The following AGBL4 variants were observed in gnomAD, a reference collection of about 807,000 sequenced individuals.
The protein encoded by AGBL4 is AGBL carboxypeptidase 4.
Under a neutral mutation model 66.4 loss-of-function variants are expected in AGBL4, and 58 were observed. That is an observed-to-expected ratio of 0.87 (90% CI 0.71 to 1.09). AGBL4 has a LOEUF of 1.09. AGBL4 is among the 50% of genes least tolerant of loss of function. The pLI is 0.00. For missense variants in AGBL4, 579 were observed against 631.0 expected (o/e 0.92, Z 0.88); for synonymous variants, 234 against 222.9 (o/e 1.05, Z -0.44).
intron 3 of AGBL4, among the ~76,000 whole-genome samples, chr1:49,307,874 T>C (rs1644875764): frequency 6.6e-6 from 1 of 152,166 alleles, no homozygotes; most frequent in South Asian, 2.1e-4. Context: ...TTAATTCAAT[T>C]TAAACAGACC....
chr1:49,362,097 C>T (rs1644149201), intron 3 of AGBL4, among the ~76,000 whole-genome samples: 1 of 152,132 alleles, frequency 6.6e-6, no homozygotes, highest in African/African-American at 2.4e-5. Flanking sequence ...CATTTGACAT[C>T]TCCTGCATCC....
chr1:48,672,636 T>A (rs1646294782), intron 6 of AGBL4, among the ~76,000 whole-genome samples: 2 of 152,304 alleles, frequency 1.3e-5, no homozygotes, highest in South Asian at 4.1e-4. Flanking sequence ...AGTGGGCCCC[T>A]TCCCTATGCC....
intron 9 of AGBL4, among the ~76,000 whole-genome samples, chr1:48,601,864 G>A (rs1645078224): frequency 6.6e-6 from 1 of 152,030 alleles, no homozygotes; most frequent in Admixed American, 6.6e-5. Context: ...AGTGCACACA[G>A]ATACAAGTAG....
chr1:49,975,202 A>T (rs1658455385), intron 1 of AGBL4, among the ~76,000 whole-genome samples: 1 of 152,220 alleles, frequency 6.6e-6, no homozygotes, highest in Admixed American at 6.5e-5. Flanking sequence ...CACCTTTTAC[A>T]TTGCAAAATC....
intron 9 of AGBL4, among the ~76,000 whole-genome samples, chr1:48,596,254 G>T (rs1478681875): frequency 6.6e-6 from 1 of 152,138 alleles, no homozygotes; most frequent in African/African-American, 2.4e-5. Flanking sequence ...TGAGCTGAAG[G>T]ATTGTGGGGA....
intron 3 of AGBL4, among the ~76,000 whole-genome samples, chr1:49,583,480 T>G (rs1367106210): frequency 1.3e-5 from 2 of 152,180 alleles, no homozygotes; most frequent in African/African-American, 4.8e-5. Flanking sequence ...TCATCAAAAT[T>G]ACTGATTTTT....
At chr1:48,535,302 C>G (rs757379102) in intron 12 of AGBL4, among the ~76,000 whole-genome samples, 59 of 152,152 alleles carry the variant, frequency 3.9e-4, no homozygotes, top group Non-Finnish European at 6.3e-4. Flanking sequence ...TTCCCTACCT[C>G]TCTAGTCTCA....
intron 3 of AGBL4, among the ~76,000 whole-genome samples, chr1:49,449,012 A>G (rs1646219995): frequency 6.6e-6 from 1 of 152,012 alleles, no homozygotes. Context: ...AATGTTTATA[A>G]AATAATTGAA....
chr1:49,445,686 T>C (rs929063331), intron 3 of AGBL4, among the ~76,000 whole-genome samples: 2 of 152,114 alleles, frequency 1.3e-5, no homozygotes, highest in Non-Finnish European at 2.9e-5. Flanking sequence ...CTTGAATAAA[T>C]TCTTCTGTTC....
At chr1:49,302,598 T>TTA (rs1479803234) in intron 3 of AGBL4, among the ~76,000 whole-genome samples, 1 of 128,480 alleles carries the variant, frequency 7.8e-6, no homozygotes, top group African/African-American at 2.6e-5. Context: ...ATTTTATATT[T>TTA]TATTTTATTT....
intron 2 of AGBL4, among the ~76,000 whole-genome samples, chr1:49,847,705 G>GA (rs1646186912): frequency 7.0e-6 from 1 of 142,074 alleles, no homozygotes; most frequent in South Asian, 2.2e-4. Context: ...AAATAAACTT[G>GA]TTTTTTTTTT....
intron 2 of AGBL4, among the ~76,000 whole-genome samples, chr1:49,764,728 T>C (rs924633752): frequency 2.6e-5 from 4 of 152,146 alleles, no homozygotes; most frequent in African/African-American, 9.7e-5. Flanking sequence ...ACTCTCTTTA[T>C]GAGAAACAGC....
chr1:48,739,303 G>A (rs1457406816), intron 6 of AGBL4, among the ~76,000 whole-genome samples: 4 of 152,164 alleles, frequency 2.6e-5, no homozygotes, highest in African/African-American at 9.7e-5. Context: ...TTGACTAGAT[G>A]ACTTCTGCAG....
At chr1:49,972,354 A>G (rs1038601496) in intron 1 of AGBL4, among the ~76,000 whole-genome samples, 6 of 151,978 alleles carry the variant, frequency 3.9e-5, no homozygotes, top group African/African-American at 7.3e-5. Context: ...TCCAATGCCT[A>G]TTATTCCACT....
intron 4 of AGBL4, among the ~76,000 whole-genome samples, chr1:49,209,647 T>C (rs1445731706): frequency 2.0e-5 from 3 of 152,078 alleles, no homozygotes; most frequent in Non-Finnish European, 4.4e-5. Flanking sequence ...GATTATGAGT[T>C]GAGGACTGAT....
At chr1:49,219,611 T>C (rs1649344317) in intron 4 of AGBL4, among the ~76,000 whole-genome samples, 1 of 152,124 alleles carries the variant, frequency 6.6e-6, no homozygotes, top group Non-Finnish European at 1.5e-5. Flanking sequence ...AAAGAAAACC[T>C]CCCATCATAT....
intron 5 of AGBL4, among the ~76,000 whole-genome samples, chr1:48,917,812 T>C (rs1162628961): frequency 6.6e-6 from 1 of 152,202 alleles, no homozygotes; most frequent in Non-Finnish European, 1.5e-5. Flanking sequence ...AACAGATTTG[T>C]CCACTTGCAA....
At chr1:48,958,573 A>G (rs1657694128) in intron 5 of AGBL4, among the ~76,000 whole-genome samples, 1 of 152,234 alleles carries the variant, frequency 6.6e-6, no homozygotes. Context: ...TAGCATTACA[A>G]TCTTTACAGC....
At chr1:48,920,952 A>G (rs1263313645) in intron 5 of AGBL4, among the ~76,000 whole-genome samples, 1 of 152,246 alleles carries the variant, frequency 6.6e-6, no homozygotes, top group East Asian at 1.9e-4. Context: ...AAGGCCCTGT[A>G]CTGGGACAAG....
Sources: gnomAD v4.1 joint callset for allele counts (sites outside exome capture counted in the v4.1 genomes callset) on GRCh38, gnomAD v4.1.1 for gene constraint, MANE v1.5 for transcripts, NCBI Gene and HGNC (gene_info 2026-07-23, HGNC 2026-07-21) for gene names.